The following PRKDC variants were observed in gnomAD, a reference collection of about 807,000 sequenced individuals.
PRKDC encodes protein kinase, DNA-activated, catalytic subunit, also known as DNA-dependent protein kinase catalytic subunit.
Under a neutral mutation model 486.9 loss-of-function variants are expected in PRKDC, and 82 were observed. That is an observed-to-expected ratio of 0.17 (90% CI 0.14 to 0.20). The LOEUF is 0.20. Ranked by LOEUF, PRKDC falls within the 10% of genes least tolerant of loss-of-function variation. PRKDC has a pLI of 1.00. For synonymous variants in PRKDC, 1,895 were observed against 1,837.0 expected, an observed-to-expected ratio of 1.03 and a Z score of -0.81; for missense variants, 4,504 against 5,038.2, an observed-to-expected ratio of 0.89 and a Z score of 3.21.
chr8:47,812,768 AAAT>A (rs1383543497), intron 68 of PRKDC, among the ~76,000 whole-genome samples: 1 of 152,102 alleles, frequency 6.6e-6, no homozygotes, highest in Non-Finnish European at 1.5e-5. Context: ...GAAAACAGAC[AAAT>A]AATAAAGAAA....
rs752448660 is a variant in PRKDC at position 47,819,385 on chromosome 8, C to A, written c.9445+17G>T. Reference sequence around the variant, plus strand: ...CACAATTAGAAATGAAAAAAAAAGACCGATGAAAAAAATTACCTTGTTTGC... The same window carrying A: ...CACAATTAGAAATGAAAAAAAAAGAACGATGAAAAAAATTACCTTGTTTGC... On this transcript the variant is annotated intron_variant, in intron 67 of 85. Transcript: ENST00000314191. 47 of 1,419,646 alleles carry A rather than the reference C, an allele frequency of 3.3e-5. No individual in the cohort carries two copies. The African/African-American group carries it at 6.7e-4, about 20-fold the overall frequency. 87.9% of individuals were successfully genotyped at this position (1,419,646 alleles called of 1,614,324 possible). A position where few individuals can be genotyped will look rare whatever the true frequency, so the allele number is the denominator to read the frequency against.
At chr8:47,877,374 C>A (rs1311424984) in intron 40 of PRKDC, among the ~76,000 whole-genome samples, 13 of 152,160 alleles carry the variant, frequency 8.5e-5, no homozygotes, top group Middle Eastern at 6.8e-3. Context: ...AAGAAAACTG[C>A]TTTAAGAGAC....
At chr8:47,878,474 T>C (rs1453879879) in intron 39 of PRKDC, among the ~76,000 whole-genome samples, 1 of 152,158 alleles carries the variant, frequency 6.6e-6, no homozygotes, top group Non-Finnish European at 1.5e-5. Context: ...CATGGAGACG[T>C]GCCTTCAACA....
In PRKDC at chr8:47,820,278, G is replaced by A. The variant is rs187185319; in HGVS notation, c.9336+441C>T. Among the ~76,000 whole-genome samples, 3 of 152,186 alleles carry A rather than the reference G, an allele frequency of 2.0e-5. No individual in the cohort carries two copies. In the East Asian group the frequency reaches 5.8e-4, roughly 29 times the overall value. On this transcript the variant is annotated intron_variant, in intron 66 of 85. Coordinates refer to ENST00000314191, the MANE Select transcript of PRKDC (RefSeq NM_006904.7). ...AAATACTAAAATTAGCCGAGGGCCT[G>A]TAATCCCAGCTACCCGGGAGGCTGA... is the stretch of plus-strand genomic sequence containing the variant.
intron 52 of PRKDC, among the ~76,000 whole-genome samples, chr8:47,851,779 G>A (rs959568386): frequency 1.3e-5 from 2 of 152,218 alleles, no homozygotes; most frequent in South Asian, 2.1e-4. Flanking sequence ...GGGAGAGGGG[G>A]CTGCCACAGG....
intron 69 of PRKDC, among the ~76,000 whole-genome samples, chr8:47,804,301 T>TC (rs1326441845): frequency 1.3e-5 from 2 of 151,074 alleles, no homozygotes; most frequent in East Asian, 3.9e-4. Flanking sequence ...TGCCACTTTT[T>TC]TTTTTTTTTT....
intron 39 of PRKDC, 70 bp from the exon 40 acceptor site, chr8:47,877,921 T>C (rs2089123946): frequency 8.7e-7 from 1 of 1,147,310 alleles, no homozygotes; most frequent in Non-Finnish European, 1.1e-6. Context: ...TTAAATTATA[T>C]ACTAAAAATA....
At chr8:47,906,923 T>C (rs2154502556) in intron 25 of PRKDC, among the ~76,000 whole-genome samples, 1 of 151,630 alleles carries the variant, frequency 6.6e-6, no homozygotes, top group South Asian at 2.1e-4. Context: ...CCCTAATACC[T>C]TCACTGGCCT....
rs969241128 is a variant in PRKDC, at chr8:47,928,690, T to C, written c.2139+402A>G. Among the ~76,000 whole-genome samples the C allele has an allele frequency of 4.6e-5, 7 of 151,720 alleles. No homozygotes were observed. In the Middle Eastern group the frequency reaches 0.01, roughly 221 times the overall value. ...CCCCCAGCCTCCTAACCTGACACAA[T>C]TGTTTTTTTTTGAGACAGAGTCTCG... On this transcript the variant is annotated intron_variant, in intron 19 of 85. Coordinates refer to ENST00000314191, the MANE Select transcript of PRKDC (RefSeq NM_006904.7).
rs2087884319 is a variant in PRKDC at position 47,831,820 on chromosome 8, T to C, written c.8259A>G (p.Arg2753=). Residue 2753 remains arginine, a synonymous_variant, in exon 60 of 86, where the codon CGA becomes CGG. Coordinates refer to ENST00000314191, the MANE Select transcript of PRKDC (RefSeq NM_006904.7). ...YARKGVAEQK[R]EKEIKSELKM... ...TTCTTGACAAGATACAAACCTTCTCTCGTTTTTGCTCAGCAACGCCTTTTC... is the reference window on the plus strand; with the variant it reads ...TTCTTGACAAGATACAAACCTTCTCCCGTTTTTGCTCAGCAACGCCTTTTC... 1 of 1,613,826 alleles carries C rather than the reference T, an allele frequency of 6.2e-7. No homozygotes were observed. Among genetic ancestry groups the C allele is most frequent in the Non-Finnish European group, 8.5e-7 (1 of 1,179,724 alleles).
chr8:47,885,951 G>A lies in PRKDC; in HGVS notation c.4769C>T (p.Thr1590Ile). Residue 1590 changes from threonine to isoleucine, a missense_variant, in exon 36 of 86, where the codon ACC (threonine) becomes ATC (isoleucine). By Grantham distance (89) the Thr-to-Ile change is moderately conservative. Around this residue, in one of 6 missense-constraint regions of PRKDC, gnomAD observed 1,969 missense variants for 2,068.9 expected, o/e 0.95. Coordinates refer to ENST00000314191, the MANE Select transcript of PRKDC (RefSeq NM_006904.7). ...AAAGGGAAACTTTGTTACCATTTTGGTATTATCCACTGAAGACTGCATGAG... is the reference window on the plus strand; with the variant it reads ...AAAGGGAAACTTTGTTACCATTTTGATATTATCCACTGAAGACTGCATGAG... ...LELMQSSVDN[T>I]KMVSAVLNGM... The A allele has an allele frequency of 3.7e-6, 6 of 1,611,946 alleles. No individual in the cohort carries two copies. Among genetic ancestry groups the A allele is most frequent in the Non-Finnish European group, 5.1e-6 (6 of 1,178,372 alleles).
chr8:47,815,088 C>T (rs1360952817), intron 68 of PRKDC, among the ~76,000 whole-genome samples: 1 of 152,062 alleles, frequency 6.6e-6, no homozygotes, highest in Non-Finnish European at 1.5e-5. Flanking sequence ...ACTGCTTAAA[C>T]CTGGGAGGCT....
intron 9 of PRKDC, 90 bp downstream of exon 9, chr8:47,943,763 T>C: frequency 1.8e-6 from 2 of 1,124,516 alleles, no homozygotes; most frequent in Non-Finnish European, 2.6e-6. Context: ...GTTATCACAT[T>C]TGCTTTCATT....
Position 47,798,357 on chromosome 8 carries a change from C to T in PRKDC, c.10338G>A (p.Val3446=). 1 of 1,611,358 alleles carries T rather than the reference C, an allele frequency of 6.2e-7. No individual in the cohort carries two copies. Among genetic ancestry groups the T allele is most frequent in the Non-Finnish European group, 8.5e-7 (1 of 1,178,886 alleles). ...SAELQAYPAL[V]VEKMLKALKL... The stretch of plus-strand genomic sequence containing the variant: ...TTAAAGCTTTCAACATTTTCTCCAC[C>T]ACAAGTGCTGGATACGCCTGCAGTT... The change falls in exon 73 of 86, where the codon GTG becomes GTA. Residue 3446 remains valine, a synonymous_variant. Coordinates refer to ENST00000314191, the MANE Select transcript of PRKDC (RefSeq NM_006904.7).
At chr8:47,923,531 TG>T (rs1234411898) in intron 21 of PRKDC, among the ~76,000 whole-genome samples, 1 of 152,250 alleles carries the variant, frequency 6.6e-6, no homozygotes, top group East Asian at 1.9e-4. Context: ...GATGCACGTG[TG>T]GCCCACAAGT....
intron 10 of PRKDC, among the ~76,000 whole-genome samples, chr8:47,942,458 G>A (rs1427006596): frequency 9.2e-5 from 14 of 152,178 alleles, no homozygotes; most frequent in Admixed American, 9.2e-4. Context: ...GGATGCCAGT[G>A]CTCTCTCTTC....
At chr8:47,894,357 C>T (rs1412446016) in intron 30 of PRKDC, among the ~76,000 whole-genome samples, 1 of 151,892 alleles carries the variant, frequency 6.6e-6, no homozygotes, top group Non-Finnish European at 1.5e-5. Flanking sequence ...CACTAAGAGA[C>T]AAAGAAATGT....
In PRKDC at chr8:47,930,750, G is replaced by A; in HGVS notation, c.1814C>T (p.Thr605Ile). The change falls in exon 17 of 86, where the codon ACT (threonine) becomes ATT (isoleucine). Residue 605 changes from threonine to isoleucine, a missense_variant. Thr to Ile is a moderately conservative substitution (Grantham distance 89). Transcript: ENST00000314191. ...ATGCAAGTTAGCCGCTGGATCTGAA[G>A]TTGGGATCATCCAAACACCAGGCGC... ...DEAPGVWMIP[T>I]SDPAANLHPA... 6.3e-7 allele frequency: 1 copy of A among 1,590,038 alleles called. No individual in the cohort carries two copies. Among genetic ancestry groups the A allele is most frequent in the African/African-American group, 1.3e-5 (1 of 74,386 alleles).
At chr8:47,932,901 G>A (rs2090280632) in intron 16 of PRKDC, 119 bp downstream of exon 16, 1 of 877,650 alleles carries the variant, frequency 1.1e-6, no homozygotes, top group African/African-American at 1.7e-5. Context: ...TAATAATCCT[G>A]AAGAACCAAA....
Sources: gnomAD v4.1 joint callset for allele counts (sites outside exome capture counted in the v4.1 genomes callset) on GRCh38, gnomAD v4.1.1 for gene constraint, gnomAD v4.1.1 regional missense constraint, MANE v1.5 for transcripts, NCBI Gene and HGNC (gene_info 2026-07-23, HGNC 2026-07-21) for gene names.